Variants in CCDC38 observed in about 807,000 individuals in gnomAD.
The protein encoded by CCDC38 is coiled-coil domain containing 38.
CCDC38 carries 69 observed loss-of-function variants against 72.8 expected under a neutral mutation model. The ratio of observed to expected loss-of-function variants is 0.95; its 90% CI spans 0.78 to 1.16. The LOEUF (loss-of-function observed/expected upper bound fraction) is 1.16, where lower values mean the gene tolerates loss of function less well. CCDC38 is among the 50% of genes most tolerant of loss of function. The pLI is 0.00. For missense variants in CCDC38, 626 were observed against 638.9 expected (o/e 0.98, Z 0.22); for synonymous variants, 201 against 213.2 (o/e 0.94, Z 0.50).
At chr12:95,899,772 A>G (rs1353138810) in intron 5 of CCDC38, among the ~76,000 whole-genome samples, 1 of 152,222 alleles carries the variant, frequency 6.6e-6, no homozygotes, top group East Asian at 1.9e-4. Context: ...TTATTCCGCA[A>G]GTACTTACTG....
At chr12:95,872,126 G>A in intron 14 of CCDC38, 129 bp downstream of exon 14, 1 of 768,060 alleles carries the variant, frequency 1.3e-6, no homozygotes, top group Non-Finnish European at 2.2e-6. Flanking sequence ...GAGGAGAGCA[G>A]GGCTGGATTT....
chr12:95,869,136 A>T (rs1341810085), intron 15 of CCDC38, among the ~76,000 whole-genome samples: 1 of 152,224 alleles, frequency 6.6e-6, no homozygotes, highest in Admixed American at 6.5e-5. Flanking sequence ...ACTGAGGAAG[A>T]CTGACTTTAT....
chr12:95,873,720 CAAAT>C (rs749192774), intron 13 of CCDC38, among the ~76,000 whole-genome samples: 21 of 152,192 alleles, frequency 1.4e-4, no homozygotes, highest in Non-Finnish European at 2.6e-4. Flanking sequence ...AAGCCAGCGA[CAAAT>C]AACACTCAAG....
In CCDC38 at chr12:95,888,485, G is replaced by A. The variant is rs754077961; in HGVS notation, c.893C>T (p.Thr298Ile). The A allele has an allele frequency of 2.5e-6, 4 of 1,613,948 alleles. No homozygotes were observed. The highest frequency in any genetic ancestry group is 1.3e-5 in the African/African-American group (1 of 74,888). The change falls in exon 10 of 16, where the codon ACT becomes ATT. Residue 298 changes from threonine to isoleucine, a missense_variant. Thr to Ile is a moderately conservative substitution (Grantham distance 89). Transcript: ENST00000344280. ...TGATTTCTTTTTCTCTGGAGTGCGA[G>A]TCAGGCTTCTGCTTGGCTTTCCTGT... ...DSQGKPSRSLTRTPEKKKSNL... is the reference protein window; with the variant it reads ...DSQGKPSRSLIRTPEKKKSNL...
chr12:95,872,578 TTTA>T (rs2079593103), intron 13 of CCDC38, 118 bp from the exon 14 acceptor site: 1 of 708,578 alleles, frequency 1.4e-6, no homozygotes, highest in Non-Finnish European at 2.3e-6. Context: ...CATTTTTATT[TTTA>T]TTATTTTTTT....
At position 95,933,565 on chromosome 12, in the gene CCDC38, C is replaced by G. The variant is rs527858799; in HGVS notation, c.37+2908G>C. 4 of 152,306 alleles carry G rather than the reference C, an allele frequency of 2.6e-5. No individual in the cohort carries two copies. The South Asian group carries it at 8.3e-4, about 32-fold the overall frequency. The allele number at this position is 152,306 out of a possible 1,614,324, so 9.4% of individuals were successfully genotyped here. On this transcript the variant is annotated intron_variant, in intron 2 of 15. Transcript: ENST00000344280. ...GAGAGGATATAATTCCACAGGATCT[C>G]TAATACATTTCTTGTAGAGTTATGA...
chr12:95,923,401 C>T (rs1362703825), intron 2 of CCDC38, among the ~76,000 whole-genome samples: 1 of 152,130 alleles, frequency 6.6e-6, no homozygotes, highest in East Asian at 1.9e-4. Context: ...GGACCCCAGA[C>T]ATCCCAATAT....
At chr12:95,912,977 G>A (rs1328008718) in intron 4 of CCDC38, among the ~76,000 whole-genome samples, 3 of 152,002 alleles carry the variant, frequency 2.0e-5, no homozygotes, top group African/African-American at 7.2e-5. Flanking sequence ...GAGGTGGGAG[G>A]ATCCCTTGAG....
At chr12:95,889,033 C>CAT (rs761870084) in intron 9 of CCDC38, 142 of 85,084 alleles carry the variant, frequency 1.7e-3, no homozygotes, top group Non-Finnish European at 2.5e-3. Context: ...ATTGTCTCAG[C>CAT]TTTTTTTTTT....
chr12:95,894,310 C>T (rs1363333742), intron 8 of CCDC38, among the ~76,000 whole-genome samples: 1 of 152,124 alleles, frequency 6.6e-6, no homozygotes, highest in Non-Finnish European at 1.5e-5. Context: ...TAAAATCAAA[C>T]AGTCTCTCAG....
At chr12:95,874,236 T>C (rs1257333711) in intron 13 of CCDC38, among the ~76,000 whole-genome samples, 1 of 152,176 alleles carries the variant, frequency 6.6e-6, no homozygotes, top group African/African-American at 2.4e-5. Flanking sequence ...AAAAATACTT[T>C]AAAAATATAT....
At chr12:95,887,164 G>A (rs1002522048) in intron 10 of CCDC38, among the ~76,000 whole-genome samples, 4 of 151,942 alleles carry the variant, frequency 2.6e-5, no homozygotes, top group Non-Finnish European at 5.9e-5. Flanking sequence ...CAGCCTGGGT[G>A]ACAGAGCGAG....
chr12:95,904,325 AT>A (rs907429270), intron 5 of CCDC38, among the ~76,000 whole-genome samples: 1 of 152,256 alleles, frequency 6.6e-6, no homozygotes, highest in African/African-American at 2.4e-5. Context: ...TGAAAATTTC[AT>A]ATCATAGTCC....
intron 2 of CCDC38, among the ~76,000 whole-genome samples, chr12:95,929,263 G>T (rs10777755): frequency 5.9e-5 from 9 of 151,980 alleles, no homozygotes; most frequent in African/African-American, 1.9e-4. Context: ...TTAAGCCCAT[G>T]GGAAAAGCGC....
intron 2 of CCDC38, among the ~76,000 whole-genome samples, chr12:95,920,866 C>T (rs999610486): frequency 1.3e-5 from 2 of 149,912 alleles, no homozygotes; most frequent in Admixed American, 6.6e-5. Context: ...GCAGTGGTCA[C>T]ACGTATAATC....
At chr12:95,870,415 A>G (rs906562627) in intron 14 of CCDC38, among the ~76,000 whole-genome samples, 1 of 152,222 alleles carries the variant, frequency 6.6e-6, no homozygotes, top group Non-Finnish European at 1.5e-5. Context: ...GACCTATTTA[A>G]TGATATTCTA....
intron 8 of CCDC38, among the ~76,000 whole-genome samples, chr12:95,892,278 CTTTTTTTTTTTTTT>C (rs774500212): frequency 1.3e-5 from 1 of 75,978 alleles, no homozygotes; most frequent in South Asian, 5.6e-4. Context: ...TTATTACAAT[CTTTTTTTTTTTTTT>C]TTTTTTTTTG....
At chr12:95,897,166 A>G (rs1398783928) in intron 7 of CCDC38, among the ~76,000 whole-genome samples, 1 of 152,208 alleles carries the variant, frequency 6.6e-6, no homozygotes, top group Admixed American at 6.5e-5. Flanking sequence ...TAAGAAGCCT[A>G]GGACCTAGTT....
chr12:95,920,805 A>C (rs1463601701), intron 2 of CCDC38, among the ~76,000 whole-genome samples: 1 of 152,068 alleles, frequency 6.6e-6, no homozygotes, highest in Non-Finnish European at 1.5e-5. Flanking sequence ...ATTGTTCTAC[A>C]CTAAATAAAA....
Sources: allele counts gnomAD v4.1 joint callset (sites outside exome capture counted in the v4.1 genomes callset), GRCh38; gene constraint gnomAD v4.1.1; transcripts MANE v1.5; gene names NCBI Gene and HGNC (gene_info 2026-07-23, HGNC 2026-07-21).